The following FRMPD4 variants were observed in gnomAD, a reference collection of about 807,000 sequenced individuals.
The protein encoded by FRMPD4 is FERM and PDZ domain-containing protein 4.
A neutral mutation model predicts 94.1 loss-of-function variants in FRMPD4; 22 were observed. That is an observed-to-expected ratio of 0.23 (90% CI 0.17 to 0.33). FRMPD4 has a LOEUF of 0.33. FRMPD4 is among the 10% of genes least tolerant of loss of function. FRMPD4 has a pLI of 1.00. For synonymous variants in FRMPD4, 631 were observed against 548.6 expected, an observed-to-expected ratio of 1.15 and a Z score of -2.10; for missense variants, 1,111 against 1,339.9, an observed-to-expected ratio of 0.83 and a Z score of 2.67.
chrX:12,228,925 G>A (rs183116058), intron 1 of FRMPD4, among the ~76,000 whole-genome samples: 1 of 112,012 alleles, frequency 8.9e-6, no homozygotes, highest in Non-Finnish European at 1.9e-5. Flanking sequence ...TTGGTTTCCA[G>A]CTTTAGAAGC....
intron 3 of FRMPD4, among the ~76,000 whole-genome samples, chrX:11,925,499 G>A (rs753989046): frequency 4.5e-5 from 5 of 111,857 alleles, no homozygotes; most frequent in Non-Finnish European, 9.4e-5. Context: ...TCACACAATC[G>A]AAGTAAAACA....
chrX:12,670,592 A>G (rs751273000), intron 4 of FRMPD4, among the ~76,000 whole-genome samples: 1 of 112,421 alleles, frequency 8.9e-6, no homozygotes, highest in Non-Finnish European at 1.9e-5. Context: ...TGAACTCAAG[A>G]TGGATTAAAG....
At chrX:12,111,389 C>A (rs1569160440) in intron 3 of FRMPD4, among the ~76,000 whole-genome samples, 3 of 111,683 alleles carry the variant, frequency 2.7e-5, no homozygotes, top group Admixed American at 9.5e-5. Context: ...GAAACTGGAT[C>A]CCTTCCTTAC....
intron 3 of FRMPD4, among the ~76,000 whole-genome samples, chrX:12,027,594 G>A (rs1258049981): frequency 9.3e-6 from 1 of 108,083 alleles, no homozygotes; most frequent in Non-Finnish European, 1.9e-5. Flanking sequence ...AATAAAATAA[G>A]CAACAATAGT....
intron 3 of FRMPD4, among the ~76,000 whole-genome samples, chrX:12,033,767 G>A (rs1282996299): frequency 2.7e-5 from 3 of 111,462 alleles, no homozygotes; most frequent in Non-Finnish European, 5.7e-5. Flanking sequence ...GCACAATCTC[G>A]GCTCACTGCA....
intron 1 of FRMPD4, among the ~76,000 whole-genome samples, chrX:12,418,384 A>ATAGT (rs2056838660): frequency 1.1e-5 from 1 of 89,750 alleles, no homozygotes; most frequent in Non-Finnish European, 2.1e-5. Flanking sequence ...TTTGAGATAG[A>ATAGT]GTCTCGCTCT....
intron 2 of FRMPD4, among the ~76,000 whole-genome samples, chrX:12,563,058 C>A (rs1382552050): frequency 9.0e-6 from 1 of 111,676 alleles, no homozygotes; most frequent in African/African-American, 3.3e-5. Context: ...TGGGCACAGC[C>A]AAGTCAGGGG....
chrX:12,486,927 A>T (rs1366803627), intron 1 of FRMPD4, among the ~76,000 whole-genome samples: 1 of 112,143 alleles, frequency 8.9e-6, no homozygotes, highest in African/African-American at 3.2e-5. Flanking sequence ...GCTGGGAATG[A>T]TGGATGAAAA....
intron 1 of FRMPD4, among the ~76,000 whole-genome samples, chrX:12,211,439 G>A (rs1381468340): frequency 1.8e-5 from 2 of 112,382 alleles, no homozygotes; most frequent in Non-Finnish European, 3.8e-5. Flanking sequence ...ATTCTTTAGA[G>A]TAAGTTGGCT....
At chrX:12,281,420 G>A (rs2054524110) in intron 1 of FRMPD4, among the ~76,000 whole-genome samples, 1 of 108,284 alleles carries the variant, frequency 9.2e-6, no homozygotes, top group Admixed American at 1.0e-4. Context: ...TGTTACCCAG[G>A]CTGGAGTACA....
chrX:12,663,311 G>GTTT (rs767110426), intron 4 of FRMPD4, among the ~76,000 whole-genome samples: 1 of 112,113 alleles, frequency 8.9e-6, no homozygotes, highest in African/African-American at 3.2e-5. Flanking sequence ...TGCCTCTAGG[G>GTTT]TTTTTATGGT....
At chrX:12,658,741 A>G (rs1161120566) in intron 4 of FRMPD4, among the ~76,000 whole-genome samples, 2 of 110,984 alleles carry the variant, frequency 1.8e-5, no homozygotes, top group Non-Finnish European at 3.8e-5. Context: ...TGGTATTTAC[A>G]AGAAGCGCTC....
At chrX:11,930,491 C>A (rs1017005444) in intron 3 of FRMPD4, among the ~76,000 whole-genome samples, 2 of 93,787 alleles carry the variant, frequency 2.1e-5, no homozygotes, top group African/African-American at 7.2e-5. Flanking sequence ...AGAGATGCAA[C>A]CACAAACAAG....
intron 3 of FRMPD4, among the ~76,000 whole-genome samples, chrX:12,112,595 C>T (rs1160045219): frequency 9.0e-6 from 1 of 110,714 alleles, no homozygotes; most frequent in East Asian, 2.8e-4. Context: ...ATTAATGAGA[C>T]CTAAAAACAT....
chrX:12,425,016 TA>T (rs2056929492), intron 1 of FRMPD4, among the ~76,000 whole-genome samples: 1 of 112,729 alleles, frequency 8.9e-6, no homozygotes, highest in Admixed American at 9.3e-5. Flanking sequence ...AACCCTTCTT[TA>T]AAAAATATTC....
At chrX:12,116,257 T>C (rs1222431269) in intron 3 of FRMPD4, among the ~76,000 whole-genome samples, 3 of 112,507 alleles carry the variant, frequency 2.7e-5, no homozygotes, top group East Asian at 2.8e-4. Flanking sequence ...GCCAAGCCCT[T>C]TCAACCTTCT....
chrX:12,073,276 A>G (rs774373298), intron 3 of FRMPD4, among the ~76,000 whole-genome samples: 15 of 111,682 alleles, frequency 1.3e-4, no homozygotes, highest in Middle Eastern at 4.6e-3. Context: ...TAAAGGGCCA[A>G]ATAGTAAATA....
intron 1 of FRMPD4, among the ~76,000 whole-genome samples, chrX:12,331,321 A>G (rs999229714): frequency 9.5e-6 from 1 of 105,748 alleles, no homozygotes; most frequent in East Asian, 2.9e-4. Context: ...GAGTGGTATC[A>G]TGTCGACATA....
At chrX:12,442,418 G>A in intron 1 of FRMPD4, among the ~76,000 whole-genome samples, 2 of 111,442 alleles carry the variant, frequency 1.8e-5, no homozygotes. Context: ...AAGTAATGCA[G>A]CCAAACTTTC....
Sources: allele counts gnomAD v4.1 joint callset (sites outside exome capture counted in the v4.1 genomes callset), GRCh38; gene constraint gnomAD v4.1.1; transcripts MANE v1.5; gene names NCBI Gene and HGNC (gene_info 2026-07-23, HGNC 2026-07-21).